The following CFAP43 variants were observed in gnomAD, a reference collection of about 807,000 sequenced individuals.
CFAP43 encodes cilia and flagella associated protein 43, also known as cilia- and flagella-associated protein 43.
A neutral mutation model predicts 218.9 loss-of-function variants in CFAP43; 155 were observed. The observed-to-expected ratio is 0.71, with a 90% CI of 0.62 to 0.81. The LOEUF is 0.81. Among genes scored for constraint, CFAP43 ranks in the 30% least tolerant of loss-of-function variants. The pLI, the probability that CFAP43 is intolerant of heterozygous loss-of-function variation, is 0.00. For synonymous variants in CFAP43, 645 were observed against 681.3 expected (o/e 0.95, Z 0.83); for missense variants, 1,778 against 1,954.3 (o/e 0.91, Z 1.70).
chr10:104,157,490 G>T (rs996234789), intron 27 of CFAP43, among the ~76,000 whole-genome samples: 1 of 152,082 alleles, frequency 6.6e-6, no homozygotes, highest in African/African-American at 2.4e-5. Flanking sequence ...TCAGCGTCTA[G>T]CCCAGCTGGA....
chr10:104,211,483 C>T (rs767972667), intron 5 of CFAP43, among the ~76,000 whole-genome samples: 2 of 152,202 alleles, frequency 1.3e-5, no homozygotes, highest in African/African-American at 4.8e-5. Context: ...CTGTTTCCTA[C>T]GGCCTTGTTC....
Position 104,193,965 on chromosome 10 carries a change from G to A in CFAP43, c.1343C>T (p.Thr448Met), listed in dbSNP as rs538157333. 6.2e-6 allele frequency: 10 copies of A among 1,613,846 alleles called. No individual in the cohort carries two copies. The highest frequency in any genetic ancestry group is 2.2e-5 in the East Asian group (1 of 44,898). The change falls in exon 11 of 38, where the codon ACG becomes ATG. Residue 448 changes from threonine to methionine, a missense_variant. Around this residue, in one of 3 missense-constraint regions of CFAP43, gnomAD observed 1,553 missense variants for 1,685.2 expected, o/e 0.92. Coordinates refer to ENST00000357060, the MANE Select transcript of CFAP43 (RefSeq NM_025145.7). ...CPSSLSAAVG[T>M]EDGSVYFISV... ...GATGAAGTAGACCGAGCCATCCTCC[G>A]TGCCCACGGCTGCAGAGAGGGAGGA...
intron 18 of CFAP43, 72 bp from the exon 19 acceptor site, chr10:104,179,178 AG>A: frequency 8.2e-6 from 10 of 1,216,794 alleles, no homozygotes; most frequent in South Asian, 1.4e-5. Flanking sequence ...AGAGAGAGAG[AG>A]AGCAATTCTC....
intron 32 of CFAP43, among the ~76,000 whole-genome samples, chr10:104,142,780 T>A (rs1172513702): frequency 6.6e-6 from 1 of 152,142 alleles, no homozygotes; most frequent in Non-Finnish European, 1.5e-5. Flanking sequence ...GGAAGGATTC[T>A]CTTCCCAAAT....
In CFAP43 at chr10:104,166,714, C is replaced by T. The variant is rs199794656; in HGVS notation, c.2813G>A (p.Arg938Gln). The change falls in exon 23 of 38, where the codon CGG (arginine) becomes CAG (glutamine). Residue 938 changes from arginine (R) to glutamine (Q), a missense_variant. Physicochemically the swap from Arg to Gln is conservative, Grantham distance 43. Coordinates refer to ENST00000357060, the MANE Select transcript of CFAP43 (RefSeq NM_025145.7). ...KKIEAECLKL[R>Q]KEIVEAQSGV... ...AGACTGAGCCTCTACAATTTCCTTC[C>T]GTAGCTACATGTAGAAAAAGATGAC... The T allele has an allele frequency of 8.2e-5, 131 of 1,599,768 alleles. No homozygotes were observed. Among genetic ancestry groups the T allele is most frequent in the African/African-American group, 3.1e-4 (23 of 74,306 alleles).
intron 3 of CFAP43, among the ~76,000 whole-genome samples, chr10:104,223,225 T>C (rs2091228363): frequency 6.6e-6 from 1 of 152,218 alleles, no homozygotes; most frequent in South Asian, 2.1e-4. Context: ...CAGGGTTGCC[T>C]GTGTTTGAGA....
In CFAP43 at chr10:104,162,303, G is replaced by GCA; in HGVS notation, c.3333+12_3333+13dup. 1 of 1,611,822 alleles carries GCA rather than the reference G, an allele frequency of 6.2e-7. No homozygotes were observed. Among genetic ancestry groups the GCA allele is most frequent in the Non-Finnish European group, 8.5e-7 (1 of 1,177,910 alleles). On this transcript the variant is annotated intron_variant, in intron 25 of 37. Coordinates refer to ENST00000357060, the MANE Select transcript of CFAP43 (RefSeq NM_025145.7). ...AAGAGGGTCTTAGGACCTGTGTTAAGCAAAGCTACATGCCTGTATCAGAAG... is the reference window on the plus strand; with the variant it reads ...AAGAGGGTCTTAGGACCTGTGTTAAGCACAAAGCTACATGCCTGTATCAGAAG...
chr10:104,142,212 G>T lies in CFAP43; in HGVS notation c.4271+69C>A, dbSNP rs2087738579. On this transcript the variant is annotated intron_variant, in intron 33 of 37. Transcript: ENST00000357060. ...GCAGTCAGTAGGCATTCTCCCCAGT[G>T]ATAACACAACCTGATTTAGCCCTAA... 4 of 1,329,942 alleles carry T rather than the reference G, an allele frequency of 3.0e-6. No homozygotes were observed. The South Asian group carries it at 5.2e-5, about 17-fold the overall frequency. The allele number at this position is 1,329,942 out of a possible 1,614,324, so 82.4% of individuals were successfully genotyped here. A position where few individuals can be genotyped will look rare whatever the true frequency, so the allele number is the denominator to read the frequency against.
At chr10:104,224,182 T>G (rs912373233) in intron 3 of CFAP43, among the ~76,000 whole-genome samples, 1 of 152,060 alleles carries the variant, frequency 6.6e-6, no homozygotes, top group Non-Finnish European at 1.5e-5. Flanking sequence ...TAGCTGAGAC[T>G]ACAGGTACCT....
At chr10:104,135,268 A>G (rs180916136) in intron 34 of CFAP43, among the ~76,000 whole-genome samples, 1 of 152,302 alleles carries the variant, frequency 6.6e-6, no homozygotes, top group Admixed American at 6.5e-5. Context: ...ACCCATCATA[A>G]CTTCATACTC....
At chr10:104,174,897 T>C (rs1468167996) in intron 19 of CFAP43, among the ~76,000 whole-genome samples, 3 of 150,706 alleles carry the variant, frequency 2.0e-5, no homozygotes, top group Non-Finnish European at 4.4e-5. Context: ...CTACTAAAAA[T>C]ACAAAAAATC....
intron 3 of CFAP43, among the ~76,000 whole-genome samples, chr10:104,222,917 C>T (rs892573090): frequency 4.6e-5 from 7 of 152,166 alleles, no homozygotes; most frequent in Non-Finnish European, 1.0e-4. Flanking sequence ...AGTATAAACA[C>T]CTCTAGGATA....
At chr10:104,214,720 A>G (rs2090966255) in intron 3 of CFAP43, among the ~76,000 whole-genome samples, 1 of 152,234 alleles carries the variant, frequency 6.6e-6, no homozygotes, top group South Asian at 2.1e-4. Flanking sequence ...AATGAAATAT[A>G]TCATCACATT....
intron 3 of CFAP43, among the ~76,000 whole-genome samples, chr10:104,224,616 A>T (rs1564818152): frequency 6.6e-6 from 1 of 151,786 alleles, no homozygotes; most frequent in East Asian, 2.0e-4. Context: ...TTAGCTGGTC[A>T]TGATGGCGGG....
At chr10:104,139,871 T>C (rs574415186) in intron 34 of CFAP43, among the ~76,000 whole-genome samples, 3 of 152,276 alleles carry the variant, frequency 2.0e-5, no homozygotes, top group Non-Finnish European at 1.5e-5. Context: ...TAAAAGATAA[T>C]TGTCTAAAGC....
Position 104,133,612 on chromosome 10 carries a change from GA to G in CFAP43, c.4596+7del. ...TTAAAACTATGTAGGGGGGTAGGGA[GA>G]ATTTACCTTTTGACGATCTCTTGAA... On this transcript the variant is annotated splice_region_variant and intron_variant, in intron 35 of 37. Coordinates refer to ENST00000357060, the MANE Select transcript of CFAP43 (RefSeq NM_025145.7). 1 of 1,609,852 alleles carries G rather than the reference GA, an allele frequency of 6.2e-7. No homozygotes were observed. Among genetic ancestry groups the G allele is most frequent in the East Asian group, 2.2e-5 (1 of 44,724 alleles).
intron 3 of CFAP43, chr10:104,218,757 C>A: frequency 1.8e-6 from 1 of 541,892 alleles, no homozygotes. Context: ...TTTTCCCTCC[C>A]CATTGGCTCC....
At chr10:104,146,403 A>G in intron 29 of CFAP43, 54 bp from the exon 30 acceptor site, 1 of 1,364,318 alleles carries the variant, frequency 7.3e-7, no homozygotes, top group Non-Finnish European at 1.0e-6. Flanking sequence ...CAGCATAAAC[A>G]AAAATATTGG....
rs776135115 is a variant in CFAP43 at position 104,219,144 on chromosome 10, C to T, written c.417-4718G>A. Among the ~76,000 whole-genome samples the T allele has an allele frequency of 8.6e-5, 13 of 151,976 alleles. No homozygotes were observed. In the East Asian group the frequency reaches 1.9e-3, roughly 23 times the overall value. ...CTCCCCTAAATTCCCTGCCCCCAAG[C>T]CCTCAGTATCTCTCTGAATAGCATC... is the stretch of plus-strand genomic sequence containing the variant. On this transcript the variant is annotated intron_variant, in intron 3 of 37. Coordinates refer to ENST00000357060, the MANE Select transcript of CFAP43 (RefSeq NM_025145.7).
Sources: allele counts gnomAD v4.1 joint callset (sites outside exome capture counted in the v4.1 genomes callset), GRCh38; gene constraint gnomAD v4.1.1; regional missense constraint gnomAD v4.1.1; transcripts MANE v1.5; gene names NCBI Gene and HGNC (gene_info 2026-07-23, HGNC 2026-07-21).